Variants in OTOG observed in about 807,000 individuals in gnomAD.
OTOG encodes the protein otogelin.
Under a neutral mutation model 313.8 loss-of-function variants are expected in OTOG, and 296 were observed. That is an observed-to-expected ratio of 0.94 (90% CI 0.86 to 1.04). The LOEUF is 1.04. OTOG is among the 50% of genes least tolerant of loss of function. The probability of loss-of-function intolerance (pLI) is 0.00; values close to 1 mark genes in which losing one functional copy is unlikely to be tolerated. For missense variants in OTOG, 3,948 were observed against 3,840.1 expected, an observed-to-expected ratio of 1.03 and a Z score of -0.74; for synonymous variants, 1,533 against 1,554.9, an observed-to-expected ratio of 0.99 and a Z score of 0.33.
rs755488549 is a variant in OTOG, at chr11:17,593,680, A to C, written c.3212A>C (p.His1071Pro). Residue 1071 changes from histidine (H) to proline (P), a missense_variant, in exon 27 of 56, where the codon CAT (histidine) becomes CCT (proline). Physicochemically the swap from His to Pro is moderately conservative, Grantham distance 77. Coordinates refer to ENST00000399397, the MANE Select transcript of OTOG (RefSeq NM_001292063.2). The stretch of plus-strand genomic sequence containing the variant: ...CGAGTGGGATTTTTCACACTGGTGC[A>C]TTTCCCACAGGAGCACATCACCCTC... Reference protein sequence around the residue: ...TWRVGFFTLVHFPQEHITLLW... With the variant: ...TWRVGFFTLVPFPQEHITLLW... The C allele has an allele frequency of 1.3e-6, 2 of 1,548,922 alleles. No individual in the cohort carries two copies. The highest frequency in any genetic ancestry group is 1.7e-6 in the Non-Finnish European group (2 of 1,146,980).
At position 17,642,153 on chromosome 11, in the gene OTOG, C is replaced by A. The variant is rs539684481; in HGVS notation, c.8322C>A (p.Cys2774Ter). Reference sequence around the variant, plus strand: ...CCGGGGCATCCTGGATCGCAGACTGCGCCCGCCACCACTGCAGCAGCACGC... The same window carrying A: ...CCGGGGCATCCTGGATCGCAGACTGAGCCCGCCACCACTGCAGCAGCACGC... ...FLPGASWIAD[C>*]ARHHCSSTPL... Residue 2774 changes from cysteine (C) to a stop codon, truncating the protein, a stop_gained, in exon 53 of 56, where the codon TGC becomes TGA. Transcript: ENST00000399397. LOFTEE classifies it high-confidence loss of function. 1.3e-6 allele frequency: 2 copies of A among 1,548,494 alleles called. No homozygotes were observed.
At chr11:17,604,338 C>T (rs894222681) in intron 32 of OTOG, among the ~76,000 whole-genome samples, 3 of 152,224 alleles carry the variant, frequency 2.0e-5, no homozygotes, top group African/African-American at 7.2e-5. Context: ...AAGGAGGAAG[C>T]CAAGGCCCAG....
Position 17,633,772 on chromosome 11 carries a change from G to C in OTOG, c.7165G>C (p.Asp2389His). The change falls in exon 43 of 56, where the codon GAC (aspartate) becomes CAC (histidine). Residue 2389 changes from aspartate (D) to histidine (H), a missense_variant. By Grantham distance (81) the Asp-to-His change is moderately conservative. Transcript: ENST00000399397. ...CCAGGATGGGATACTAGGGCCTCTGGACCCAGAGCACTGCCAGGTGCTGGG... is the reference window on the plus strand; with the variant it reads ...CCAGGATGGGATACTAGGGCCTCTGCACCCAGAGCACTGCCAGGTGCTGGG... ...TCQDGILGPLDPEHCQVLGEG... is the reference protein window; with the variant it reads ...TCQDGILGPLHPEHCQVLGEG... 1.3e-6 allele frequency: 2 copies of C among 1,550,500 alleles called. No homozygotes were observed. The highest frequency in any genetic ancestry group is 1.7e-6 in the Non-Finnish European group (2 of 1,146,958).
chr11:17,639,320 T>C lies in OTOG; in HGVS notation c.7895-103T>C. ...CCCAGGCCTGGCCTGGAGCTGGGTCTTCAGAAGACGGGTTGTGCCAGCAGT... is the reference window on the plus strand; with the variant it reads ...CCCAGGCCTGGCCTGGAGCTGGGTCCTCAGAAGACGGGTTGTGCCAGCAGT... On this transcript the variant is annotated intron_variant, in intron 48 of 55. Transcript: ENST00000399397. 3.1e-6 allele frequency: 4 copies of C among 1,283,104 alleles called. No homozygotes were observed. In the South Asian group the frequency reaches 5.2e-5, roughly 17 times the overall value. The allele number at this position is 1,283,104 out of a possible 1,614,324, so 79.5% of individuals were successfully genotyped here. A position where few individuals can be genotyped will look rare whatever the true frequency, so the allele number is the denominator to read the frequency against.
chr11:17,633,536 C>T, intron 42 of OTOG, 144 bp from the exon 43 acceptor site: 1 of 737,954 alleles, frequency 1.4e-6, no homozygotes. Context: ...GGTGATGTCA[C>T]CAAGCCCTTT....
chr11:17,639,268 T>A lies in OTOG; in HGVS notation c.7895-155T>A, dbSNP rs563592695. Among the ~76,000 whole-genome samples the A allele has an allele frequency of 1.1e-4, 17 of 152,262 alleles. 2 individuals are homozygous for A. The South Asian group carries it at 2.7e-3, about 24-fold the overall frequency. On this transcript the variant is annotated intron_variant, in intron 48 of 55. Coordinates refer to ENST00000399397, the MANE Select transcript of OTOG (RefSeq NM_001292063.2). ...CCTGCCCCCAGGGATGGAAGGAGGC[T>A]GAGATTTGGGCCTCTTCCTCTCCTC...
chr11:17,646,017 TG>T lies in OTOG; in HGVS notation c.*78del. ...CTGTTTCCAGCTGGCCCAATGTGAA[TG>T]GGGGTATTAAAGGTGGTAGAAATCT... On this transcript the variant is annotated 3_prime_UTR_variant, in exon 56 of 56. Coordinates refer to ENST00000399397, the MANE Select transcript of OTOG (RefSeq NM_001292063.2). The T allele has an allele frequency of 7.1e-7, 1 of 1,415,496 alleles. No homozygotes were observed. Among genetic ancestry groups the T allele is most frequent in the African/African-American group, 1.4e-5 (1 of 70,588 alleles). The allele number at this position is 1,415,496 out of a possible 1,614,324, so 87.7% of individuals were successfully genotyped here.
Position 17,569,405 on chromosome 11 carries a change from G to C in OTOG, c.1777+117G>C. ...GGCAAAAACTCATATTCTAGTACTG[G>C]GTAGATCAGGATAGGGGACACTTTG... On this transcript the variant is annotated intron_variant, in intron 16 of 55. Coordinates refer to ENST00000399397, the MANE Select transcript of OTOG (RefSeq NM_001292063.2). The C allele has an allele frequency of 3.6e-6, 5 of 1,387,718 alleles. No individual in the cohort carries two copies. The East Asian group carries it at 7.6e-5, about 21-fold the overall frequency. The allele number at this position is 1,387,718 out of a possible 1,614,324, so 86.0% of individuals were successfully genotyped here.
At chr11:17,549,656 T>TG (rs979039346) in intron 3 of OTOG, among the ~76,000 whole-genome samples, 9 of 152,066 alleles carry the variant, frequency 5.9e-5, no homozygotes. Context: ...CATGTTTTAG[T>TG]GGGGGAGATG....
At position 17,612,317 on chromosome 11, in the gene OTOG, C is replaced by T. The variant is rs964199610; in HGVS notation, c.6279C>T (p.Leu2093=). 2 of 1,535,662 alleles carry T rather than the reference C, an allele frequency of 1.3e-6. No homozygotes were observed. The highest frequency in any genetic ancestry group is 3.9e-5 in the Admixed American group (2 of 50,780). The change falls in exon 37 of 56, where the codon CTC becomes CTT. Residue 2093 remains leucine (L), a synonymous_variant. Coordinates refer to ENST00000399397, the MANE Select transcript of OTOG (RefSeq NM_001292063.2). ...VRVGGDRCCP[L]WECACRCSIF... ...TGGGTGGGGACCGCTGCTGCCCACT[C>T]TGGGAGTGTGCCTGTGAGTCATGGG...
chr11:17,629,103 A>G, intron 39 of OTOG, 30 bp from the exon 40 acceptor site: 1 of 1,535,590 alleles, frequency 6.5e-7, no homozygotes, highest in Non-Finnish European at 8.8e-7. Flanking sequence ...TGGATGGACA[A>G]GCTGTGCTCA....
At position 17,639,444 on chromosome 11, in the gene OTOG, C is replaced by T. The variant is rs538911042; in HGVS notation, c.7916C>T (p.Pro2639Leu). 79 of 1,550,708 alleles carry T rather than the reference C, an allele frequency of 5.1e-5. No homozygotes were observed. Among genetic ancestry groups the T allele is most frequent in the Middle Eastern group, 1.7e-4 (1 of 5,994 alleles). ...TCAGAATGTGACTGTGACACAATCCCGGTGCCCCGGTGCCATCTGGTATGG... is the reference window on the plus strand; with the variant it reads ...TCAGAATGTGACTGTGACACAATCCTGGTGCCCCGGTGCCATCTGGTATGG... The part of the protein sequence containing the change: ...KSCECDCDTI[P>L]VPRCHLWEKS... Residue 2639 changes from proline to leucine, a missense_variant, in exon 49 of 56, where the codon CCG becomes CTG. Coordinates refer to ENST00000399397, the MANE Select transcript of OTOG (RefSeq NM_001292063.2).
rs370543597 is a variant in OTOG at position 17,600,588 on chromosome 11, C to T, written c.3709+891C>T. Among the ~76,000 whole-genome samples the T allele has an allele frequency of 1.6e-4, 25 of 152,256 alleles. No individual in the cohort carries two copies. In the South Asian group the frequency reaches 2.3e-3, roughly 14 times the overall value. On this transcript the variant is annotated intron_variant, in intron 31 of 55. Transcript: ENST00000399397. ...TACCATCTGGGGGCCTGCGAGATGACGGCCGGACCAGGGTGTAGCATGAGC... is the reference window on the plus strand; with the variant it reads ...TACCATCTGGGGGCCTGCGAGATGATGGCCGGACCAGGGTGTAGCATGAGC...
At chr11:17,617,276 T>A (rs1280976445) in intron 39 of OTOG, among the ~76,000 whole-genome samples, 2 of 152,200 alleles carry the variant, frequency 1.3e-5, no homozygotes, top group Non-Finnish European at 2.9e-5. Context: ...TCTTTTCTTG[T>A]AATATGATAG....
chr11:17,605,397 G>A (rs537616673), intron 32 of OTOG, among the ~76,000 whole-genome samples: 2 of 152,148 alleles, frequency 1.3e-5, no homozygotes, highest in Non-Finnish European at 2.9e-5. Context: ...GACCAAGCTG[G>A]GGACCCTATA....
Position 17,640,834 on chromosome 11 carries a change from G to A in OTOG, c.8011+14G>A, listed in dbSNP as rs749790030. On this transcript the variant is annotated intron_variant, in intron 50 of 55. Coordinates refer to ENST00000399397, the MANE Select transcript of OTOG (RefSeq NM_001292063.2). ...AGTACGAGTGTGGTGAGTGGGGGAA[G>A]CCTCGGGGCAGAGCCATGCAGGAGG... 27 of 1,550,106 alleles carry A rather than the reference G, an allele frequency of 1.7e-5. No homozygotes were observed. In the African/African-American group the frequency reaches 3.3e-4, roughly 19 times the overall value.
chr11:17,636,648 C>A (rs1854272853), intron 47 of OTOG, among the ~76,000 whole-genome samples: 1 of 152,166 alleles, frequency 6.6e-6, no homozygotes, highest in South Asian at 2.1e-4. Context: ...GATGTGAGGA[C>A]AGATTCACTA....
intron 39 of OTOG, among the ~76,000 whole-genome samples, chr11:17,616,761 A>G (rs1206308398): frequency 1.3e-5 from 2 of 152,176 alleles, no homozygotes; most frequent in Non-Finnish European, 2.9e-5. Flanking sequence ...TAGTTCTTAA[A>G]TTCTTTGGGT....
rs1437609507 is a variant in OTOG at position 17,641,877 on chromosome 11, G to A, written c.8221G>A (p.Ala2741Thr). 5 of 1,550,214 alleles carry A rather than the reference G, an allele frequency of 3.2e-6. No homozygotes were observed. Among genetic ancestry groups the A allele is most frequent in the East Asian group, 2.4e-5 (1 of 40,902 alleles). ...NQEYEHPRDLAACCGSCRNVS... is the reference protein window; with the variant it reads ...NQEYEHPRDLTACCGSCRNVS... Reference sequence around the variant, plus strand: ...GGAGTACGAGCACCCGCGGGACCTCGCTGCCTGCTGCGGCTCCTGCAGGAA... The same window carrying A: ...GGAGTACGAGCACCCGCGGGACCTCACTGCCTGCTGCGGCTCCTGCAGGAA... The change falls in exon 52 of 56, where the codon GCT (alanine) becomes ACT (threonine). Residue 2741 changes from alanine to threonine, a missense_variant. Physicochemically the swap from Ala to Thr is moderately conservative, Grantham distance 58. Coordinates refer to ENST00000399397, the MANE Select transcript of OTOG (RefSeq NM_001292063.2).
Sources: allele counts gnomAD v4.1 joint callset (sites outside exome capture counted in the v4.1 genomes callset), GRCh38; gene constraint gnomAD v4.1.1; transcripts MANE v1.5; gene names NCBI Gene and HGNC (gene_info 2026-07-23, HGNC 2026-07-21).